The following ROCK2 variants were observed in gnomAD, a reference collection of about 807,000 sequenced individuals.
ROCK2 encodes Rho associated coiled-coil containing protein kinase 2.
In ROCK2, 61 loss-of-function variants were observed where a neutral mutation model predicts 195.1. The ratio of observed to expected loss-of-function variants is 0.31; its 90% confidence interval spans 0.25 to 0.39. ROCK2 has a LOEUF of 0.39. Among genes scored for constraint, ROCK2 ranks in the 10% least tolerant of loss-of-function variants. ROCK2 has a pLI of 1.00. For missense variants in ROCK2, 1,109 were observed against 1,637.4 expected (o/e 0.68, Z 5.57); for synonymous variants, 504 against 545.5 (o/e 0.92, Z 1.06).
intron 11 of ROCK2, chr2:11,217,849 A>G (rs1664487494): frequency 6.5e-6 from 1 of 152,974 alleles, no homozygotes; most frequent in African/African-American, 2.4e-5. Flanking sequence ...CTTTGGTAAA[A>G]TATCAGGCAC....
In ROCK2 at chr2:11,203,801, A is replaced by T. The variant is rs1663951862; in HGVS notation, c.2550-1680T>A. ...TATTTCTCCATGAGTCAAAGATGTG[A>T]GAGATGCAATTTAACAAATATATGA... On this transcript the variant is annotated intron_variant, in intron 20 of 32. Transcript: ENST00000315872. Among the ~76,000 whole-genome samples the T allele has an allele frequency of 3.3e-5, 5 of 152,332 alleles. No individual in the cohort carries two copies. In the South Asian group the frequency reaches 1.0e-3, roughly 32 times the overall value.
chr2:11,288,439 G>A (rs571858431), intron 1 of ROCK2, among the ~76,000 whole-genome samples: 49 of 152,268 alleles, frequency 3.2e-4, no homozygotes, highest in Middle Eastern at 6.8e-3. Flanking sequence ...TTGTCTCAAC[G>A]CCAAGTAACT....
intron 1 of ROCK2, among the ~76,000 whole-genome samples, chr2:11,317,608 A>ATTTTTT (rs1210144997): frequency 1.3e-4 from 2 of 15,942 alleles, no homozygotes; most frequent in East Asian, 5.3e-3. Flanking sequence ...ATATATATAT[A>ATTTTTT]TATATTTTTT....
Position 11,287,710 on chromosome 2 carries a change from A to G in ROCK2, c.168T>C (p.Asp56=). The G allele has an allele frequency of 7.5e-7, 1 of 1,334,658 alleles. No homozygotes were observed. The highest frequency in any genetic ancestry group is 1.0e-6 in the Non-Finnish European group (1 of 997,734). 82.7% of individuals were successfully genotyped at this position (1,334,658 alleles called of 1,614,324 possible). Residue 56 remains aspartate (D), a synonymous_variant, in exon 2 of 33, where the codon GAT becomes GAC. Coordinates refer to ENST00000315872, the MANE Select transcript of ROCK2 (RefSeq NM_004850.5). ...LLDGLNSLVL[D]LDFPALRKNK... ...TTTTCCTCAAAGCAGGAAAATCTAA[A>G]TCAAGGACCAAGGAATTTAAGCCAT...
chr2:11,263,674 A>AC (rs371194236), intron 3 of ROCK2, among the ~76,000 whole-genome samples: 54,400 of 143,908 alleles, frequency 0.38, 10,995 homozygotes, highest in Admixed American at 0.48. Context: ...CACACACACA[A>AC]AAAAAAACAA....
intron 3 of ROCK2, among the ~76,000 whole-genome samples, chr2:11,277,908 C>CA (rs1400856496): frequency 1.3e-5 from 2 of 152,176 alleles, no homozygotes; most frequent in Admixed American, 6.5e-5. Flanking sequence ...GCATGATTTA[C>CA]AGGCAGGATT....
chr2:11,242,166 T>C (rs1558320577), intron 4 of ROCK2, among the ~76,000 whole-genome samples: 2 of 152,222 alleles, frequency 1.3e-5, no homozygotes, highest in South Asian at 2.1e-4. Flanking sequence ...TATTTTGTTA[T>C]AGGAGCCCTA....
intron 3 of ROCK2, among the ~76,000 whole-genome samples, chr2:11,264,003 T>C (rs1486651394): frequency 6.7e-6 from 1 of 149,378 alleles, no homozygotes; most frequent in Non-Finnish European, 1.5e-5. Flanking sequence ...ACATGTATGC[T>C]AAAAAGCTCC....
At chr2:11,304,440 G>A (rs1192508236) in intron 1 of ROCK2, among the ~76,000 whole-genome samples, 1 of 152,132 alleles carries the variant, frequency 6.6e-6, no homozygotes, top group African/African-American at 2.4e-5. Flanking sequence ...GGTCAAGACT[G>A]CCTTCAAAAT....
intron 3 of ROCK2, among the ~76,000 whole-genome samples, chr2:11,259,112 A>G (rs1666135529): frequency 6.6e-6 from 1 of 151,336 alleles, no homozygotes; most frequent in African/African-American, 2.5e-5. Context: ...TTCACTACAT[A>G]AAATCTAGAA....
intron 1 of ROCK2, among the ~76,000 whole-genome samples, chr2:11,298,109 G>GTA (rs1471049785): frequency 6.6e-6 from 1 of 151,960 alleles, no homozygotes; most frequent in East Asian, 1.9e-4. Context: ...TTCTGTGAGG[G>GTA]TATATATAGA....
chr2:11,282,565 T>A, intron 3 of ROCK2, among the ~76,000 whole-genome samples: 1 of 142,990 alleles, frequency 7.0e-6, no homozygotes, highest in Middle Eastern at 3.7e-3. Context: ...GGCAATACGA[T>A]GGATTGAACA....
chr2:11,255,953 A>G (rs2148137506), intron 3 of ROCK2, among the ~76,000 whole-genome samples: 1 of 141,094 alleles, frequency 7.1e-6, no homozygotes, highest in Non-Finnish European at 1.5e-5. Context: ...AAAAAAAAAA[A>G]AGGAAACTAT....
At position 11,222,977 on chromosome 2, in the gene ROCK2, G is replaced by GTA. The variant is rs551141304; in HGVS notation, c.1008-805_1008-804dup. Among the ~76,000 whole-genome samples, 68 of 152,142 alleles carry GTA rather than the reference G, an allele frequency of 4.5e-4. No homozygotes were observed. The East Asian group carries it at 0.012, about 27-fold the overall frequency. ...CTCCTTTCATTAACATAAAACAGGT[G>GTA]TACCCTGTTGTACAATTTATCATCC... On this transcript the variant is annotated intron_variant, in intron 7 of 32. Transcript: ENST00000315872.
Position 11,180,843 on chromosome 2 carries a change from A to G in ROCK2, c.*2594T>C, listed in dbSNP as rs1662953280. Reference sequence around the variant, plus strand: ...GTGCATGCACTCATGTATGTACATGAAAGCGGCAATGCGGTAAAAAGCGAA... The same window carrying G: ...GTGCATGCACTCATGTATGTACATGGAAGCGGCAATGCGGTAAAAAGCGAA... On this transcript the variant is annotated 3_prime_UTR_variant, in exon 33 of 33. Coordinates refer to ENST00000315872, the MANE Select transcript of ROCK2 (RefSeq NM_004850.5). 1 of 152,230 alleles carries G rather than the reference A, an allele frequency of 6.6e-6. No homozygotes were observed. The highest frequency in any genetic ancestry group is 1.5e-5 in the Non-Finnish European group (1 of 68,038). 9.4% of individuals were successfully genotyped at this position (152,230 alleles called of 1,614,324 possible). A position where few individuals can be genotyped will look rare whatever the true frequency, so the allele number is the denominator to read the frequency against.
In ROCK2 at chr2:11,314,015, T is replaced by C. The variant is rs1179053711; in HGVS notation, c.142-26279A>G. On this transcript the variant is annotated intron_variant, in intron 1 of 32. Coordinates refer to ENST00000315872, the MANE Select transcript of ROCK2 (RefSeq NM_004850.5). ...TATATATAAGAACACTCTTTGATAC[T>C]CAGATGTAAAGAAAGTGACTCAAAA... Among the ~76,000 whole-genome samples the C allele has an allele frequency of 3.3e-5, 5 of 151,832 alleles. No homozygotes were observed. The East Asian group carries it at 9.6e-4, about 29-fold the overall frequency.
At chr2:11,344,869 A>G (rs1669248938), upstream of ROCK2, among the ~76,000 whole-genome samples, 1 of 150,080 alleles carries the variant, frequency 6.7e-6, no homozygotes, top group Non-Finnish European at 1.5e-5. This position sits in a 1 kb window ranked among gnomAD's most constrained non-coding sequence, Gnocchi z 5.4. Context: ...GCGCGCGGTC[A>G]CGGCCGAGCT....
chr2:11,334,727 C>T (rs73915164), intron 1 of ROCK2, among the ~76,000 whole-genome samples: 3,505 of 143,402 alleles, frequency 0.024, 172 homozygotes, highest in East Asian at 0.053. Flanking sequence ...CCTGCTCTGG[C>T]GCGTTTCTAT....
At chr2:11,322,112 G>A (rs1668417893) in intron 1 of ROCK2, among the ~76,000 whole-genome samples, 2 of 152,146 alleles carry the variant, frequency 1.3e-5, no homozygotes, top group South Asian at 4.2e-4. Flanking sequence ...AACCTCAGAA[G>A]AAACCAAACC....
Sources: gnomAD v4.1 joint callset for allele counts (sites outside exome capture counted in the v4.1 genomes callset) on GRCh38, gnomAD v4.1.1 for gene constraint, Gnocchi (gnomAD v3.1) non-coding constraint, MANE v1.5 for transcripts, NCBI Gene and HGNC (gene_info 2026-07-23, HGNC 2026-07-21) for gene names.